The following SLC16A7 variants were observed in gnomAD, a reference collection of about 807,000 sequenced individuals.
SLC16A7 encodes the protein monocarboxylate transporter 2.
SLC16A7 carries 33 observed loss-of-function variants against 34.9 expected under a neutral mutation model. That is an observed-to-expected ratio of 0.94 (90% confidence interval 0.72 to 1.26). The LOEUF is 1.26. SLC16A7 is among the 50% of genes most tolerant of loss of function. The pLI is 0.00. For missense variants in SLC16A7, 573 were observed against 578.1 expected (o/e 0.99, Z 0.09); for synonymous variants, 201 against 206.6 (o/e 0.97, Z 0.23).
chr12:59,775,953 C>A (rs1021451769), intron 5 of SLC16A7, among the ~76,000 whole-genome samples: 2 of 152,010 alleles, frequency 1.3e-5, no homozygotes, highest in African/African-American at 4.8e-5. Context: ...TTTATAATAT[C>A]ACTGATAAGA....
intron 5 of SLC16A7, among the ~76,000 whole-genome samples, chr12:59,776,179 A>G (rs2137464530): frequency 6.6e-6 from 1 of 152,320 alleles, no homozygotes; most frequent in South Asian, 2.1e-4. Context: ...TGACCAAAGA[A>G]TACCCTCACA....
At chr12:59,731,138 A>G (rs576349416) in intron 3 of SLC16A7, among the ~76,000 whole-genome samples, 1 of 152,304 alleles carries the variant, frequency 6.6e-6, no homozygotes, top group South Asian at 2.1e-4. Context: ...AATGTAAAAT[A>G]TTCAAGCTTA....
chr12:59,785,721 CAATT>C lies in SLC16A7; in HGVS notation c.*6046_*6049del, dbSNP rs1883566668. Reference sequence around the variant, plus strand: ...CAATATTCAGGAATATTTCAGTAGGCAATTAATGATCATAAATTTATTCACATTT... The same window carrying C: ...CAATATTCAGGAATATTTCAGTAGGCAATGATCATAAATTTATTCACATTT... On this transcript the variant is annotated 3_prime_UTR_variant, in exon 6 of 6. Coordinates refer to ENST00000547379, the MANE Select transcript of SLC16A7 (RefSeq NM_001270623.2). The C allele has an allele frequency of 6.6e-6, 1 of 151,976 alleles. No individual in the cohort carries two copies. The highest frequency in any genetic ancestry group is 2.4e-5 in the African/African-American group (1 of 41,370). The allele number at this position is 151,976 out of a possible 1,614,324, so 9.4% of individuals were successfully genotyped here.
chr12:59,673,976 C>G (rs1870098466), intron 2 of SLC16A7, among the ~76,000 whole-genome samples: 1 of 152,138 alleles, frequency 6.6e-6, no homozygotes, highest in Non-Finnish European at 1.5e-5. Flanking sequence ...TTTATGATCT[C>G]AGTCTGATTT....
In SLC16A7 at chr12:59,740,563, A is replaced by G. The variant is rs1406741326; in HGVS notation, c.218-30656A>G. On this transcript the variant is annotated intron_variant, in intron 3 of 5. Coordinates refer to ENST00000547379, the MANE Select transcript of SLC16A7 (RefSeq NM_001270623.2). ...TTAGGTATTGATGGGACGTATCTCA[A>G]AATAATAAGAGCTATCTATGACAAA... is the stretch of plus-strand genomic sequence containing the variant. Among the ~76,000 whole-genome samples the G allele has an allele frequency of 2.6e-5, 4 of 152,192 alleles. No homozygotes were observed. The South Asian group carries it at 8.3e-4, about 32-fold the overall frequency.
At chr12:59,704,744 A>C in intron 2 of SLC16A7, 28 bp from the exon 3 acceptor site, 1 of 1,182,328 alleles carries the variant, frequency 8.5e-7, no homozygotes, top group Admixed American at 2.1e-5. Flanking sequence ...AATAAAATTT[A>C]AACTGTTATT....
rs1883726322 is a variant in SLC16A7, at chr12:59,787,792, C to A, written c.*8113C>A. The A allele has an allele frequency of 6.6e-6, 1 of 152,184 alleles. No individual in the cohort carries two copies. The highest frequency in any genetic ancestry group is 6.5e-5 in the Admixed American group (1 of 15,268). The allele number at this position is 152,184 out of a possible 1,614,324, so 9.4% of individuals were successfully genotyped here. On this transcript the variant is annotated 3_prime_UTR_variant, in exon 6 of 6. Coordinates refer to ENST00000547379, the MANE Select transcript of SLC16A7 (RefSeq NM_001270623.2). ...TTGGTTAGATTCAGCCAAACCGACA[C>A]CCGTATGCTAAGACTGCATTGTCAT...
intron 1 of SLC16A7, among the ~76,000 whole-genome samples, chr12:59,650,898 T>C (rs1430481468): frequency 6.6e-6 from 1 of 152,210 alleles, no homozygotes; most frequent in African/African-American, 2.4e-5. Context: ...ATAAAATTGC[T>C]AAAAGCTCTA....
chr12:59,702,360 G>A (rs545337168), intron 2 of SLC16A7, among the ~76,000 whole-genome samples: 1 of 152,044 alleles, frequency 6.6e-6, no homozygotes, highest in Admixed American at 6.6e-5. Context: ...TAGATGAATA[G>A]ATAGATAGAA....
chr12:59,643,615 G>A (rs1327997410), intron 1 of SLC16A7, among the ~76,000 whole-genome samples: 2 of 152,102 alleles, frequency 1.3e-5, no homozygotes, highest in South Asian at 2.1e-4. Flanking sequence ...TACAGAGCAG[G>A]CTTCTTATGT....
intron 2 of SLC16A7, among the ~76,000 whole-genome samples, chr12:59,695,330 G>C (rs1454705054): frequency 6.6e-6 from 1 of 151,880 alleles, no homozygotes; most frequent in Non-Finnish European, 1.5e-5. Flanking sequence ...TGGTGGGATG[G>C]AGCTGCTGTT....
At chr12:59,617,315 C>T (rs374941580) in intron 1 of SLC16A7, among the ~76,000 whole-genome samples, 11 of 152,044 alleles carry the variant, frequency 7.2e-5, no homozygotes, top group African/African-American at 2.6e-4. Flanking sequence ...TGGACAGGCA[C>T]TAGGCTCCAA....
At position 59,779,498 on chromosome 12, in the gene SLC16A7, T is replaced by C. The variant is rs201233786; in HGVS notation, c.1256T>C (p.Val419Ala). ...SCGAIVVAASVWLLIGNAINY... is the reference protein window; with the variant it reads ...SCGAIVVAASAWLLIGNAINY... ...GGGGCTATTGTGGTAGCAGCAAGCG[T>C]GTGGCTGCTCATTGGCAATGCTATC... Residue 419 changes from valine (V) to alanine (A), a missense_variant, in exon 6 of 6, where the codon GTG (valine) becomes GCG (alanine). Val to Ala is a moderately conservative substitution (Grantham distance 64). Coordinates refer to ENST00000547379, the MANE Select transcript of SLC16A7 (RefSeq NM_001270623.2). 48 of 1,610,002 alleles carry C rather than the reference T, an allele frequency of 3.0e-5. No homozygotes were observed. In the East Asian group the frequency reaches 9.4e-4, roughly 31 times the overall value.
chr12:59,665,820 G>C (rs1422889859), intron 2 of SLC16A7, among the ~76,000 whole-genome samples: 1 of 151,454 alleles, frequency 6.6e-6, no homozygotes, highest in Non-Finnish European at 1.5e-5. Context: ...GTGTGTGTGT[G>C]TGTGTGTGTG....
intron 1 of SLC16A7, among the ~76,000 whole-genome samples, chr12:59,651,739 G>A (rs1868346010): frequency 6.6e-6 from 1 of 152,136 alleles, no homozygotes; most frequent in Non-Finnish European, 1.5e-5. Context: ...CTTATCAGCT[G>A]ATGTGATTTT....
chr12:59,755,173 C>T (rs1298193683), intron 3 of SLC16A7, among the ~76,000 whole-genome samples: 1 of 152,140 alleles, frequency 6.6e-6, no homozygotes, highest in South Asian at 2.1e-4. Context: ...AAACTGGAAG[C>T]ATTCCCTTTG....
At chr12:59,758,166 CA>C (rs535411507) in intron 3 of SLC16A7, among the ~76,000 whole-genome samples, 7 of 148,776 alleles carry the variant, frequency 4.7e-5, no homozygotes, top group African/African-American at 9.9e-5. Context: ...TGTCAATTAA[CA>C]AAAAAAAATT....
chr12:59,624,396 T>C (rs1300892718), intron 1 of SLC16A7, among the ~76,000 whole-genome samples: 1 of 151,792 alleles, frequency 6.6e-6, no homozygotes, highest in Non-Finnish European at 1.5e-5. Flanking sequence ...TGCTACTTAA[T>C]GGTGTTATGA....
At chr12:59,661,976 G>A (rs1868875640) in intron 2 of SLC16A7, among the ~76,000 whole-genome samples, 1 of 151,922 alleles carries the variant, frequency 6.6e-6, no homozygotes, top group Admixed American at 6.6e-5. Context: ...ACTACTCAGT[G>A]AATGTTAGGA....
Sources: gnomAD v4.1 joint callset for allele counts (sites outside exome capture counted in the v4.1 genomes callset) on GRCh38, gnomAD v4.1.1 for gene constraint, MANE v1.5 for transcripts, NCBI Gene and HGNC (gene_info 2026-07-23, HGNC 2026-07-21) for gene names.